The following GATAD2A variants were observed in gnomAD, a reference collection of about 807,000 sequenced individuals.
GATAD2A encodes the protein GATA zinc finger domain containing 2A, also known as transcriptional repressor p66-alpha.
In GATAD2A, 12 loss-of-function variants were observed where a neutral mutation model predicts 68.5. The ratio of observed to expected loss-of-function variants is 0.18; its 90% CI spans 0.11 to 0.28. The LOEUF (loss-of-function observed/expected upper bound fraction) is 0.28. Ranked by LOEUF, GATAD2A falls within the 10% of genes least tolerant of loss-of-function variation. The pLI is 1.00. For synonymous variants in GATAD2A, 410 were observed against 375.3 expected (o/e 1.09, Z -1.07); for missense variants, 755 against 868.5 (o/e 0.87, Z 1.64).
intron 1 of GATAD2A, among the ~76,000 whole-genome samples, chr19:19,425,048 C>G (rs1203513823): frequency 6.7e-6 from 1 of 149,072 alleles, no homozygotes; most frequent in African/African-American, 2.5e-5. Flanking sequence ...GAGTTCAAGA[C>G]TAGCCTGTGC....
intron 1 of GATAD2A, chr19:19,427,688 C>A (rs186898878): frequency 1.3e-5 from 2 of 156,406 alleles, no homozygotes; most frequent in East Asian, 3.7e-4. Flanking sequence ...TTCTTTTTTT[C>A]TTTTTAGATG....
At chr19:19,451,445 G>C (rs150343961) in intron 1 of GATAD2A, among the ~76,000 whole-genome samples, 2 of 152,308 alleles carry the variant, frequency 1.3e-5, no homozygotes, top group African/African-American at 4.8e-5. Flanking sequence ...CTGAGTTCAC[G>C]CATTGTCCAG....
At chr19:19,492,206 A>AC (rs1221929548) in intron 2 of GATAD2A, 100 bp from the exon 3 acceptor site, 1 of 1,225,164 alleles carries the variant, frequency 8.2e-7, no homozygotes, top group Non-Finnish European at 1.2e-6. Context: ...CAGACAGGGA[A>AC]CAGACGGGGA....
chr19:19,463,596 G>C (rs1421983825), intron 1 of GATAD2A, among the ~76,000 whole-genome samples: 2 of 152,230 alleles, frequency 1.3e-5, no homozygotes, highest in Non-Finnish European at 2.9e-5. Flanking sequence ...TGGGATGCCA[G>C]AGGGGCTGGG....
At position 19,498,598 on chromosome 19, in the gene GATAD2A, A is replaced by T. The variant is rs748341037; in HGVS notation, c.1080A>T (p.Leu360=). The T allele has an allele frequency of 8.7e-6, 14 of 1,613,522 alleles. No individual in the cohort carries two copies. The African/African-American group carries it at 1.7e-4, about 20-fold the overall frequency. Residue 360 remains leucine (L), a synonymous_variant, in exon 8 of 12, where the codon CTA becomes CTT. Coordinates refer to ENST00000683918, the MANE Select transcript of GATAD2A (RefSeq NM_001384528.1). The stretch of plus-strand genomic sequence containing the variant: ...TGCGCAAACAGCTGGAGAAGACGCT[A>T]CTCGAGATCCCCCCACCCAAGCCCC... The part of the protein sequence containing the change: ...LALRKQLEKT[L]LEIPPPKPPA...
intron 1 of GATAD2A, among the ~76,000 whole-genome samples, chr19:19,435,553 A>G (rs1185419407): frequency 6.6e-6 from 1 of 152,190 alleles, no homozygotes; most frequent in African/African-American, 2.4e-5. Flanking sequence ...CATTACTATT[A>G]TAATAAAAAC....
intron 1 of GATAD2A, among the ~76,000 whole-genome samples, chr19:19,410,681 G>A (rs2050813178): frequency 6.6e-6 from 1 of 152,182 alleles, no homozygotes; most frequent in African/African-American, 2.4e-5. Context: ...AGGCCACTTT[G>A]AGTCTAGGGG....
intron 1 of GATAD2A, among the ~76,000 whole-genome samples, chr19:19,407,201 T>G (rs7249940): frequency 1.3e-5 from 2 of 152,232 alleles, no homozygotes; most frequent in African/African-American, 4.8e-5. Flanking sequence ...GTTGACTGAC[T>G]TAACTCTTCT....
chr19:19,449,939 T>C (rs550145703), intron 1 of GATAD2A, among the ~76,000 whole-genome samples: 1 of 146,874 alleles, frequency 6.8e-6, no homozygotes, highest in East Asian at 2.1e-4. Context: ...TTCATTGTTT[T>C]ATTTATTTAT....
chr19:19,450,855 C>T (rs2056308124), intron 1 of GATAD2A, among the ~76,000 whole-genome samples: 1 of 151,692 alleles, frequency 6.6e-6, no homozygotes, highest in Non-Finnish European at 1.5e-5. Context: ...ACTACAACCT[C>T]CGCCTCCCGG....
chr19:19,390,860 GA>G (rs2048798509), intron 1 of GATAD2A, among the ~76,000 whole-genome samples: 1 of 152,126 alleles, frequency 6.6e-6, no homozygotes, highest in South Asian at 2.1e-4. Context: ...CAGATTTGGG[GA>G]CAAAAGACTG....
intron 1 of GATAD2A, among the ~76,000 whole-genome samples, chr19:19,446,482 TG>T (rs1187976277): frequency 6.6e-6 from 1 of 151,406 alleles, no homozygotes; most frequent in African/African-American, 2.4e-5. Flanking sequence ...ATTCTATGGG[TG>T]TTTTTTTTTT....
At chr19:19,438,781 G>A (rs539941058) in intron 1 of GATAD2A, among the ~76,000 whole-genome samples, 1 of 152,338 alleles carries the variant, frequency 6.6e-6, no homozygotes, top group South Asian at 2.1e-4. Flanking sequence ...GAAAAGGACA[G>A]TCTATAAACA....
chr19:19,482,602 C>G (rs1255363112), intron 2 of GATAD2A, among the ~76,000 whole-genome samples: 1 of 152,092 alleles, frequency 6.6e-6, no homozygotes, highest in Non-Finnish European at 1.5e-5. Flanking sequence ...GTGGCCCTCC[C>G]TTAAGATTGT....
upstream of GATAD2A, chr19:19,402,712 A>C (rs1483826509): frequency 1.3e-5 from 2 of 150,552 alleles, no homozygotes; most frequent in Non-Finnish European, 3.0e-5. Context: ...GAAAAAAAGA[A>C]AGTACAGTAT....
intron 1 of GATAD2A, among the ~76,000 whole-genome samples, chr19:19,413,479 C>G (rs1272370826): frequency 6.6e-6 from 1 of 152,158 alleles, no homozygotes; most frequent in Non-Finnish European, 1.5e-5. Context: ...ATGCCCACCC[C>G]GTTCAGTGGT....
chr19:19,430,903 A>G (rs1200868125), intron 1 of GATAD2A, among the ~76,000 whole-genome samples: 1 of 152,056 alleles, frequency 6.6e-6, no homozygotes, highest in Non-Finnish European at 1.5e-5. Context: ...AAATTGCCAT[A>G]GCTACCTTCT....
intron 2 of GATAD2A, among the ~76,000 whole-genome samples, chr19:19,489,793 G>T (rs2059664819): frequency 6.6e-6 from 1 of 152,262 alleles, no homozygotes; most frequent in African/African-American, 2.4e-5. Context: ...CCCAGGAATT[G>T]TGTCTGTAAC....
intron 11 of GATAD2A, 93 bp downstream of exon 11, chr19:19,502,619 A>G (rs905737986): frequency 2.0e-6 from 2 of 1,006,566 alleles, no homozygotes; most frequent in Non-Finnish European, 2.9e-6. Flanking sequence ...CAGCGGGTGA[A>G]CCCCCAGGCC....
Sources: allele counts gnomAD v4.1 joint callset (sites outside exome capture counted in the v4.1 genomes callset), GRCh38; gene constraint gnomAD v4.1.1; transcripts MANE v1.5; gene names NCBI Gene and HGNC (gene_info 2026-07-23, HGNC 2026-07-21).